The following NUP98 variants were observed in gnomAD, a reference collection of about 807,000 sequenced individuals.
NUP98 encodes nuclear pore complex protein Nup98-Nup96.
Under a neutral mutation model 191.9 loss-of-function variants are expected in NUP98, and 26 were observed. The ratio of observed to expected loss-of-function variants is 0.14; its 90% confidence interval spans 0.10 to 0.19. The LOEUF (loss-of-function observed/expected upper bound fraction) is 0.19, where lower values mean the gene tolerates loss of function less well. Ranked by LOEUF, NUP98 falls within the 10% of genes least tolerant of loss-of-function variation. NUP98 has a pLI of 1.00. For missense variants in NUP98, 1,941 were observed against 2,178.8 expected, an observed-to-expected ratio of 0.89 and a Z score of 2.17; for synonymous variants, 808 against 778.4, an observed-to-expected ratio of 1.04 and a Z score of -0.63.
chr11:3,774,345 G>C (rs1335833362), intron 5 of NUP98, among the ~76,000 whole-genome samples: 2 of 152,308 alleles, frequency 1.3e-5, no homozygotes, highest in East Asian at 1.9e-4. Context: ...CCGAGAAGCG[G>C]AGGTTGCAGT....
At chr11:3,795,193 C>T (rs61896923) in intron 1 of NUP98, among the ~76,000 whole-genome samples, 7,719 of 152,252 alleles carry the variant, frequency 0.051, 258 homozygotes, top group Middle Eastern at 0.1. Context: ...GTAATCCCAG[C>T]ACTTTGGGAG....
Position 3,735,272 on chromosome 11 carries a change from GTGCTGC to G in NUP98, c.1455_1460del (p.Gln485_Gln486del). 1 of 1,591,230 alleles carries G rather than the reference GTGCTGC, an allele frequency of 6.3e-7. No individual in the cohort carries two copies. Among genetic ancestry groups the G allele is most frequent in the African/African-American group, 1.3e-5 (1 of 74,520 alleles). ...AAGGTGAGTATGTTAGACTATTGAT[GTGCTGC>G]TGGAGAACAGCCTGCTGGGCAGCAG... On this transcript the variant is annotated inframe_deletion, in exon 13 of 33. Transcript: ENST00000324932.
intron 17 of NUP98, 98 bp downstream of exon 17, chr11:3,720,614 G>A (rs913091916): frequency 6.5e-6 from 4 of 616,112 alleles, no homozygotes; most frequent in Admixed American, 3.0e-5. Context: ...GGGCCCAAAT[G>A]TAGGAAAATG....
Position 3,739,407 on chromosome 11 carries a change from C to A in NUP98, c.1409-4083G>T, listed in dbSNP as rs371594203. ...GGGATTACAGGTGCCTGCCGCCACGCCCGGCTAATTTTTGTATTTTTAGTA... is the reference window on the plus strand; with the variant it reads ...GGGATTACAGGTGCCTGCCGCCACGACCGGCTAATTTTTGTATTTTTAGTA... On this transcript the variant is annotated intron_variant, in intron 12 of 32. Coordinates refer to ENST00000324932, the MANE Select transcript of NUP98 (RefSeq NM_016320.5). Among the ~76,000 whole-genome samples the A allele has an allele frequency of 1.4e-3, 209 of 152,196 alleles. 1 individual carries two copies. Among genetic ancestry groups the A allele is most frequent in the Middle Eastern group, 0.014 (4 of 294 alleles).
At chr11:3,722,667 T>G (rs1246293621) in intron 16 of NUP98, among the ~76,000 whole-genome samples, 1 of 151,834 alleles carries the variant, frequency 6.6e-6, no homozygotes, top group African/African-American at 2.4e-5. Flanking sequence ...GATGCAAAAC[T>G]TAACGGGGTG....
intron 18 of NUP98, among the ~76,000 whole-genome samples, chr11:3,718,799 GTT>G (rs1254170701): frequency 1.3e-4 from 20 of 152,144 alleles, no homozygotes; most frequent in Non-Finnish European, 1.5e-5. Context: ...ATTAAAAAGA[GTT>G]TTTGAAATTA....
chr11:3,770,494 G>T (rs571569217), intron 7 of NUP98, among the ~76,000 whole-genome samples: 1,526 of 151,332 alleles, frequency 0.01, 12 homozygotes, highest in Non-Finnish European at 0.015. Flanking sequence ...CTCAAGAAAA[G>T]AAAAGAAAAG....
chr11:3,768,985 G>GT (rs983895342), intron 7 of NUP98, among the ~76,000 whole-genome samples: 62 of 152,108 alleles, frequency 4.1e-4, no homozygotes, highest in African/African-American at 1.3e-3. Flanking sequence ...ATCTTCCCTT[G>GT]TAAGTCCACA....
rs1460823304 is a variant in NUP98 at position 3,786,041 on chromosome 11, T to C, written c.-28-3896A>G. 3.3e-5 allele frequency among the ~76,000 whole-genome samples: 5 copies of C among 152,154 alleles called. No individual in the cohort carries two copies. In the South Asian group the frequency reaches 8.3e-4, roughly 25 times the overall value. The stretch of plus-strand genomic sequence containing the variant: ...CTGTTCTAATGCTGCTTATGAATTA[T>C]CTCATGTAAACCTCCCAAGAATCCA... On this transcript the variant is annotated intron_variant, in intron 1 of 32. Transcript: ENST00000324932.
intron 11 of NUP98, among the ~76,000 whole-genome samples, chr11:3,746,601 T>C (rs921670654): frequency 2.6e-5 from 4 of 151,752 alleles, no homozygotes; most frequent in Non-Finnish European, 5.9e-5. Context: ...ATTTCAGTAA[T>C]CCACAGAAGA....
chr11:3,783,560 G>A (rs556913024), intron 1 of NUP98, among the ~76,000 whole-genome samples: 38 of 152,126 alleles, frequency 2.5e-4, no homozygotes, highest in Admixed American at 2.2e-3. Context: ...TTAGCCAGGC[G>A]TGGTGGTGCA....
At chr11:3,718,160 C>T (rs76308393) in intron 18 of NUP98, among the ~76,000 whole-genome samples, 5,643 of 152,180 alleles carry the variant, frequency 0.037, 376 homozygotes, top group African/African-American at 0.13. Flanking sequence ...TTTCTTTAAA[C>T]GCTTAGTAGA....
intron 13 of NUP98, among the ~76,000 whole-genome samples, chr11:3,732,409 T>C (rs1412265201): frequency 6.6e-6 from 1 of 152,238 alleles, no homozygotes; most frequent in African/African-American, 2.4e-5. Context: ...GATGAAAACA[T>C]GATACCAAAA....
chr11:3,679,446 A>G (rs1722064001), intron 31 of NUP98, 108 bp downstream of exon 31: 1 of 1,250,348 alleles, frequency 8.0e-7, no homozygotes, highest in East Asian at 2.3e-5. Context: ...TGACAGTGCT[A>G]TCTCTGTCAG....
At chr11:3,732,680 A>G (rs2079892081) in intron 13 of NUP98, among the ~76,000 whole-genome samples, 1 of 152,192 alleles carries the variant, frequency 6.6e-6, no homozygotes. Flanking sequence ...AGGACACACA[A>G]CTAAATTTCA....
At chr11:3,685,674 G>A (rs2078113407) in intron 29 of NUP98, among the ~76,000 whole-genome samples, 1 of 152,120 alleles carries the variant, frequency 6.6e-6, no homozygotes, top group South Asian at 2.1e-4. Flanking sequence ...TTACCTCTAT[G>A]AAGAATTTCT....
chr11:3,723,215 CTCA>C lies in NUP98; in HGVS notation c.2085_2087del (p.Asp695del), dbSNP rs751257577. 28 of 1,614,130 alleles carry C rather than the reference CTCA, an allele frequency of 1.7e-5. No homozygotes were observed. In the Admixed American group the frequency reaches 3.3e-4, roughly 19 times the overall value. On this transcript the variant is annotated inframe_deletion, in exon 16 of 33. Transcript: ENST00000324932. ...TTTCTTCTCGGTCATCCTGAAGTGACTCATCATGAAAAGACGTTTCTTCACTGC... is the reference window on the plus strand; with the variant it reads ...TTTCTTCTCGGTCATCCTGAAGTGACTCATGAAAAGACGTTTCTTCACTGC...
chr11:3,786,482 T>C (rs1166657522), intron 1 of NUP98, among the ~76,000 whole-genome samples: 1 of 152,174 alleles, frequency 6.6e-6, no homozygotes, highest in Non-Finnish European at 1.5e-5. Flanking sequence ...TTTTGATATA[T>C]TTAAAAAGAA....
intron 8 of NUP98, among the ~76,000 whole-genome samples, chr11:3,767,941 T>C (rs1386259920): frequency 6.6e-6 from 1 of 152,142 alleles, no homozygotes; most frequent in Non-Finnish European, 1.5e-5. Context: ...TTTTCTCCTA[T>C]ACCCTATAGA....
Sources: gnomAD v4.1 joint callset for allele counts (sites outside exome capture counted in the v4.1 genomes callset) on GRCh38, gnomAD v4.1.1 for gene constraint, MANE v1.5 for transcripts, NCBI Gene and HGNC (gene_info 2026-07-23, HGNC 2026-07-21) for gene names.